Variants in ROBO1 observed in about 807,000 individuals in gnomAD.
The protein encoded by ROBO1 is roundabout homolog 1.
A neutral mutation model predicts 195.9 loss-of-function variants in ROBO1; 149 were observed. That is an observed-to-expected ratio of 0.76 (90% CI 0.67 to 0.87). The LOEUF (loss-of-function observed/expected upper bound fraction) is 0.87, where lower values mean the gene tolerates loss of function less well. Among genes scored for constraint, ROBO1 ranks in the 40% least tolerant of loss-of-function variants. ROBO1 has a pLI of 0.00. For synonymous variants in ROBO1, 816 were observed against 733.2 expected (o/e 1.11, Z -1.82); for missense variants, 1,933 against 2,068.3 (o/e 0.93, Z 1.27).
intron 2 of ROBO1, among the ~76,000 whole-genome samples, chr3:79,240,910 T>C (rs2082503020): frequency 6.6e-6 from 1 of 152,174 alleles, no homozygotes; most frequent in South Asian, 2.1e-4. Flanking sequence ...CCCAAAGTGC[T>C]AGGATTATAG....
At chr3:78,761,654 T>C (rs115612421) in intron 4 of ROBO1, among the ~76,000 whole-genome samples, 1,603 of 152,278 alleles carry the variant, frequency 0.011, 11 homozygotes, top group Non-Finnish European at 0.016. Flanking sequence ...AGCATCTCTT[T>C]AAGCATTGCA....
intron 2 of ROBO1, among the ~76,000 whole-genome samples, chr3:79,417,645 C>T (rs149126884): frequency 3.2e-4 from 49 of 152,198 alleles, no homozygotes; most frequent in Middle Eastern, 3.4e-3. Flanking sequence ...TTATAATTTC[C>T]GCATTAGCTG....
chr3:79,333,019 C>A (rs997473654), intron 2 of ROBO1, among the ~76,000 whole-genome samples: 3 of 151,902 alleles, frequency 2.0e-5, no homozygotes, highest in African/African-American at 7.3e-5. Context: ...CCGACCAATA[C>A]GGCGAAACCC....
At chr3:79,144,431 C>T (rs1275469298) in intron 2 of ROBO1, among the ~76,000 whole-genome samples, 1 of 151,922 alleles carries the variant, frequency 6.6e-6, no homozygotes, top group Non-Finnish European at 1.5e-5. Flanking sequence ...CTACTGTCTA[C>T]TCCCTTCCAC....
chr3:78,754,170 T>A (rs963295085), intron 4 of ROBO1, among the ~76,000 whole-genome samples: 1 of 152,188 alleles, frequency 6.6e-6, no homozygotes, highest in Non-Finnish European at 1.5e-5. Flanking sequence ...ATACAGGACT[T>A]GCCATTTATA....
At chr3:78,695,162 T>C (rs1175676464) in intron 8 of ROBO1, among the ~76,000 whole-genome samples, 3 of 151,488 alleles carry the variant, frequency 2.0e-5, no homozygotes, top group Non-Finnish European at 2.9e-5. Context: ...GAGATACACC[T>C]AATGTAAATG....
At chr3:78,959,448 G>A (rs1387687923) in intron 3 of ROBO1, among the ~76,000 whole-genome samples, 1 of 151,962 alleles carries the variant, frequency 6.6e-6, no homozygotes, top group African/African-American at 2.4e-5. Flanking sequence ...TAAAACCAGA[G>A]GAATAATAAT....
intron 1 of ROBO1, among the ~76,000 whole-genome samples, chr3:79,754,470 C>T (rs535741993): frequency 1.1e-4 from 17 of 152,058 alleles, no homozygotes; most frequent in South Asian, 2.1e-4. Flanking sequence ...CATTTTAAGA[C>T]GGTAAGTAAC....
intron 3 of ROBO1, among the ~76,000 whole-genome samples, chr3:79,073,934 C>A (rs992616811): frequency 6.6e-6 from 1 of 150,554 alleles, no homozygotes; most frequent in Non-Finnish European, 1.5e-5. Context: ...TATATAACAG[C>A]AATAAACATG....
At chr3:78,923,193 C>T (rs964058281) in intron 4 of ROBO1, among the ~76,000 whole-genome samples, 1 of 152,094 alleles carries the variant, frequency 6.6e-6, no homozygotes, top group Non-Finnish European at 1.5e-5. Flanking sequence ...AAGAGTTAAG[C>T]TCAGAGTACA....
intron 1 of ROBO1, among the ~76,000 whole-genome samples, chr3:79,652,707 G>A (rs936690032): frequency 2.0e-5 from 3 of 151,952 alleles, no homozygotes; most frequent in African/African-American, 7.2e-5. Context: ...GATGGCAGTA[G>A]TAGTAGTGTA....
intron 4 of ROBO1, among the ~76,000 whole-genome samples, chr3:78,872,189 T>G (rs2035591200): frequency 6.6e-6 from 1 of 152,186 alleles, no homozygotes; most frequent in African/African-American, 2.4e-5. Context: ...ACAAATACTC[T>G]TTTCTGTGAC....
intron 1 of ROBO1, among the ~76,000 whole-genome samples, chr3:79,746,852 C>G (rs1218438916): frequency 6.6e-6 from 1 of 151,976 alleles, no homozygotes; most frequent in Non-Finnish European, 1.5e-5. Context: ...TAAGACTTGG[C>G]TGATAATTAT....
chr3:79,041,890 G>C (rs1286906444), intron 3 of ROBO1, among the ~76,000 whole-genome samples: 1 of 152,146 alleles, frequency 6.6e-6, no homozygotes, highest in Non-Finnish European at 1.5e-5. Context: ...TGGAAATAAA[G>C]AAAGACATAA....
chr3:78,675,337 C>A (rs989032441), intron 10 of ROBO1, among the ~76,000 whole-genome samples: 4 of 152,150 alleles, frequency 2.6e-5, no homozygotes, highest in East Asian at 3.9e-4. Flanking sequence ...GTGGAGCACA[C>A]AGTTCGCGAG....
chr3:78,751,737 A>G (rs554901087), intron 4 of ROBO1, among the ~76,000 whole-genome samples: 1 of 152,300 alleles, frequency 6.6e-6, no homozygotes, highest in East Asian at 1.9e-4. Flanking sequence ...ACATTTTCAG[A>G]ATAATATTGA....
intron 1 of ROBO1, among the ~76,000 whole-genome samples, chr3:79,665,077 T>A (rs72893969): frequency 0.032 from 4,923 of 152,052 alleles, 223 homozygotes; most frequent in African/African-American, 0.1. Flanking sequence ...GTTCCCTTTC[T>A]TTAGAGATAT....
At chr3:78,636,935 T>TGA (rs1049019413) in intron 22 of ROBO1, among the ~76,000 whole-genome samples, 1 of 96,704 alleles carries the variant, frequency 1.0e-5, no homozygotes, top group African/African-American at 3.6e-5. Flanking sequence ...TACATTCATT[T>TGA]TATATATATA....
intron 4 of ROBO1, among the ~76,000 whole-genome samples, chr3:78,751,385 C>A (rs552253708): frequency 1.3e-5 from 2 of 152,078 alleles, no homozygotes; most frequent in African/African-American, 4.8e-5. Flanking sequence ...GTGTAAGGAA[C>A]CTTAGTAAGT....
Sources: gnomAD v4.1 joint callset for allele counts (sites outside exome capture counted in the v4.1 genomes callset) on GRCh38, gnomAD v4.1.1 for gene constraint, MANE v1.5 for transcripts, NCBI Gene and HGNC (gene_info 2026-07-23, HGNC 2026-07-21) for gene names.